The following TSHR variants were observed in gnomAD, a reference collection of about 807,000 sequenced individuals.
TSHR encodes thyroid stimulating hormone receptor.
TSHR carries 51 observed loss-of-function variants against 64.1 expected under a neutral mutation model. The ratio of observed to expected loss-of-function variants is 0.80; its 90% CI spans 0.64 to 1.01. The LOEUF (loss-of-function observed/expected upper bound fraction) is 1.01. Among genes scored for constraint, TSHR ranks in the 50% least tolerant of loss-of-function variants. TSHR has a pLI of 0.00. For synonymous variants in TSHR, 361 were observed against 361.9 expected, an observed-to-expected ratio of 1.00 and a Z score of 0.03; for missense variants, 877 against 942.8, an observed-to-expected ratio of 0.93 and a Z score of 0.91.
At chr14:81,138,277 G>A (rs1054514873) in intron 8 of TSHR, among the ~76,000 whole-genome samples, 3 of 142,794 alleles carry the variant, frequency 2.1e-5, no homozygotes, top group South Asian at 2.2e-4. Flanking sequence ...TGCAACTTCC[G>A]CCTCCCAGGT....
At chr14:81,105,866 T>C (rs1889857307) in intron 7 of TSHR, among the ~76,000 whole-genome samples, 1 of 152,128 alleles carries the variant, frequency 6.6e-6, no homozygotes, top group African/African-American at 2.4e-5. Flanking sequence ...GTCCAGAGAA[T>C]ACAAAAAGAG....
intron 5 of TSHR, 27 bp downstream of exon 5, chr14:81,091,170 A>G (rs774681339): frequency 1.3e-6 from 2 of 1,591,794 alleles, no homozygotes; most frequent in African/African-American, 1.3e-5. Flanking sequence ...GCCATGTTTG[A>G]CAATATTTTG....
At chr14:81,102,148 G>T (rs1333567989) in intron 7 of TSHR, among the ~76,000 whole-genome samples, 2 of 151,096 alleles carry the variant, frequency 1.3e-5, no homozygotes, top group African/African-American at 2.4e-5. Context: ...CTCCAGCCTG[G>T]GAGACTGAGA....
chr14:81,015,905 T>C (rs1288643202), intron 1 of TSHR, among the ~76,000 whole-genome samples: 1 of 152,174 alleles, frequency 6.6e-6, no homozygotes, highest in African/African-American at 2.4e-5. Flanking sequence ...CCAATTTCAC[T>C]TAACATAACG....
At chr14:80,995,626 A>T (rs1888968257) in intron 1 of TSHR, 1 of 152,142 alleles carries the variant, frequency 6.6e-6, no homozygotes, top group Non-Finnish European at 1.5e-5. Context: ...GAGTTAAATT[A>T]TGAGAACACA....
At chr14:81,084,345 CCT>C (rs1485635061) in intron 3 of TSHR, among the ~76,000 whole-genome samples, 1 of 150,648 alleles carries the variant, frequency 6.6e-6, no homozygotes, top group Non-Finnish European at 1.5e-5. Context: ...TTTTTTGCAT[CCT>C]CTTTATTACT....
intron 1 of TSHR, among the ~76,000 whole-genome samples, chr14:81,061,117 T>G (rs534250750): frequency 6.6e-6 from 1 of 152,286 alleles, no homozygotes; most frequent in Non-Finnish European, 1.5e-5. Context: ...GACTGCAGCA[T>G]GTAGATGATA....
At chr14:81,142,057 C>T (rs1459086212) in intron 9 of TSHR, among the ~76,000 whole-genome samples, 1 of 152,102 alleles carries the variant, frequency 6.6e-6, no homozygotes, top group African/African-American at 2.4e-5. Flanking sequence ...AGCCAGGTTC[C>T]CACCAAGGCG....
intron 1 of TSHR, among the ~76,000 whole-genome samples, chr14:81,058,162 T>C (rs1885962528): frequency 6.6e-6 from 1 of 152,220 alleles, no homozygotes; most frequent in Non-Finnish European, 1.5e-5. Context: ...AAGAGAGTAC[T>C]TAAAACTGGG....
intron 8 of TSHR, among the ~76,000 whole-genome samples, chr14:81,120,994 A>G (rs1025904969): frequency 2.0e-5 from 3 of 152,148 alleles, no homozygotes. Context: ...GAGACAGCAA[A>G]AAAATATGAA....
intron 9 of TSHR, among the ~76,000 whole-genome samples, chr14:81,140,669 G>A (rs1306223584): frequency 6.6e-6 from 1 of 152,058 alleles, no homozygotes; most frequent in Non-Finnish European, 1.5e-5. Context: ...ATTGTGTCTT[G>A]TACAATCTCC....
At chr14:81,004,276 A>G (rs965066878) in intron 1 of TSHR, among the ~76,000 whole-genome samples, 2 of 152,210 alleles carry the variant, frequency 1.3e-5, no homozygotes, top group African/African-American at 4.8e-5. Flanking sequence ...CAGGGATTGT[A>G]ATCTGCCAAA....
chr14:81,068,275 T>A lies in TSHR; in HGVS notation c.264T>A (p.Thr88=), dbSNP rs528335685. The A allele has an allele frequency of 1.2e-6, 2 of 1,613,238 alleles. No homozygotes were observed. Among genetic ancestry groups the A allele is most frequent in the Admixed American group, 1.7e-5 (1 of 60,006 alleles). Reference sequence around the variant, plus strand: ...TCAGCTACGTATCTATAGATGTGACTCTGCAGCAGCTGGAATCACACTCCT... The same window carrying A: ...TCAGCTACGTATCTATAGATGTGACACTGCAGCAGCTGGAATCACACTCCT... ...ISRIYVSIDV[T]LQQLESHSFY... The change falls in exon 3 of 10, where the codon ACT becomes ACA. Residue 88 remains threonine, a synonymous_variant. Transcript: ENST00000298171.
Position 81,143,570 on chromosome 14 carries a change from A to C in TSHR, c.1512A>C (p.Ala504=), listed in dbSNP as rs1466127347. Residue 504 remains alanine (A), a synonymous_variant, in exon 10 of 10, where the codon GCA becomes GCC. Transcript: ENST00000298171. ...CNTAGFFTVF[A]SELSVYTLTV... ...CGGCTGGTTTCTTCACTGTCTTTGC[A>C]AGCGAGTTATCGGTGTATACGCTGA... 2 of 1,613,296 alleles carry C rather than the reference A, an allele frequency of 1.2e-6. No homozygotes were observed. The highest frequency in any genetic ancestry group is 4.5e-5 in the East Asian group (2 of 44,874).
chr14:81,105,127 C>G, intron 7 of TSHR: 1 of 985,328 alleles, frequency 1.0e-6, no homozygotes, highest in Non-Finnish European at 1.2e-6. Flanking sequence ...AGTAGGTTAA[C>G]CAGATAGCCT....
intron 4 of TSHR, among the ~76,000 whole-genome samples, chr14:81,089,140 ACCATGCCCAG>A (rs777934600): frequency 0.21 from 31,999 of 151,980 alleles, 4,584 homozygotes; most frequent in African/African-American, 0.41. Flanking sequence ...GGTGTGCACC[ACCATGCCCAG>A]CTAATTTTTG....
At chr14:81,108,578 G>C (rs1482413656) in intron 8 of TSHR, 126 bp downstream of exon 8, 1 of 1,611,768 alleles carries the variant, frequency 6.2e-7, no homozygotes, top group Admixed American at 1.7e-5. Flanking sequence ...TCGGGTAAAG[G>C]CTTCTGCAAG....
chr14:81,016,969 A>G (rs1311846945), intron 1 of TSHR, among the ~76,000 whole-genome samples: 1 of 152,218 alleles, frequency 6.6e-6, no homozygotes. Flanking sequence ...CAGCATGTGA[A>G]TGTCACCTCA....
intron 1 of TSHR, among the ~76,000 whole-genome samples, chr14:81,045,524 T>C (rs1271815187): frequency 2.0e-5 from 3 of 152,152 alleles, no homozygotes; most frequent in Non-Finnish European, 4.4e-5. Context: ...ATCAATTAGC[T>C]ATTCTTCCTC....
Sources: gnomAD v4.1 joint callset for allele counts (sites outside exome capture counted in the v4.1 genomes callset) on GRCh38, gnomAD v4.1.1 for gene constraint, MANE v1.5 for transcripts, NCBI Gene and HGNC (gene_info 2026-07-23, HGNC 2026-07-21) for gene names.